Variants in TIAM2 observed in about 807,000 individuals in gnomAD.
The protein encoded by TIAM2 is TIAM Rac1 associated GEF 2.
TIAM2 carries 80 observed loss-of-function variants against 152.9 expected under a neutral mutation model. The observed-to-expected ratio is 0.52, with a 90% CI of 0.44 to 0.63. The LOEUF is 0.63. Among genes scored for constraint, TIAM2 ranks in the 30% least tolerant of loss-of-function variants. The probability of loss-of-function intolerance (pLI) is 0.00; values close to 1 mark genes in which losing one functional copy is unlikely to be tolerated. For missense variants in TIAM2, 1,965 were observed against 2,120.1 expected (o/e 0.93, Z 1.44); for synonymous variants, 804 against 838.0 (o/e 0.96, Z 0.70).
chr6:155,106,636 A>G (rs1235701116), intron 2 of TIAM2, among the ~76,000 whole-genome samples: 3 of 152,212 alleles, frequency 2.0e-5, no homozygotes, highest in Non-Finnish European at 2.9e-5. Context: ...AATGTTTACT[A>G]CTGCTCTAAA....
intron 6 of TIAM2, 104 bp from the exon 7 acceptor site, chr6:155,148,006 C>A: frequency 2.7e-6 from 3 of 1,116,180 alleles, no homozygotes; most frequent in Non-Finnish European, 4.1e-6. Flanking sequence ...GTATGCAGTG[C>A]AAGTACTTCT....
intron 1 of TIAM2, among the ~76,000 whole-genome samples, chr6:155,052,130 A>G (rs368089705): frequency 6.6e-6 from 1 of 152,196 alleles, no homozygotes; most frequent in East Asian, 1.9e-4. Flanking sequence ...TCTCTGTGGG[A>G]AGGAAGAAGA....
chr6:155,231,631 G>C (rs938120808), intron 15 of TIAM2, among the ~76,000 whole-genome samples: 1 of 149,490 alleles, frequency 6.7e-6, no homozygotes, highest in African/African-American at 2.6e-5. Context: ...GGCCCTGCCA[G>C]CTTCCCCCCA....
At chr6:155,199,687 A>G (rs1781434097) in intron 14 of TIAM2, among the ~76,000 whole-genome samples, 1 of 152,224 alleles carries the variant, frequency 6.6e-6, no homozygotes, top group Non-Finnish European at 1.5e-5. Context: ...AATTTTATGA[A>G]GCGAAAAAAG....
At chr6:155,042,073 G>A (rs995839061) in intron 1 of TIAM2, among the ~76,000 whole-genome samples, 1 of 151,768 alleles carries the variant, frequency 6.6e-6, no homozygotes, top group African/African-American at 2.4e-5. Context: ...GGAGAGGAAA[G>A]CCTTTTCCTG....
intron 12 of TIAM2, among the ~76,000 whole-genome samples, chr6:155,180,612 A>AT (rs992365434): frequency 5.3e-5 from 8 of 151,028 alleles, no homozygotes; most frequent in Non-Finnish European, 8.9e-5. Flanking sequence ...TTTATTTTTT[A>AT]TTTTTTTTGA....
In TIAM2 at chr6:155,251,041, G is replaced by C; in HGVS notation, c.4060+20G>C. The stretch of plus-strand genomic sequence containing the variant: ...TATTTGGTTAGTATTCCATTCAGAA[G>C]AATGCAGACTGAACAGAGGCTGGGA... On this transcript the variant is annotated intron_variant, in intron 22 of 26. Transcript: ENST00000682666. 6.2e-7 allele frequency: 1 copy of C among 1,602,374 alleles called. No homozygotes were observed. Among genetic ancestry groups the C allele is most frequent in the Non-Finnish European group, 8.6e-7 (1 of 1,169,510 alleles).
intron 6 of TIAM2, 83 bp from the exon 7 acceptor site, chr6:155,148,027 A>T: frequency 2.2e-6 from 3 of 1,386,798 alleles, no homozygotes; most frequent in Non-Finnish European, 3.1e-6. Context: ...TGGGTTTTGT[A>T]CATCTAAGCC....
chr6:155,028,350 CATATATACTACATATAATATATATACTG>C (rs1776677262), intron 1 of TIAM2, among the ~76,000 whole-genome samples: 1 of 122,548 alleles, frequency 8.2e-6, no homozygotes, highest in East Asian at 2.2e-4. Flanking sequence ...TACTGTGTTA[CATATATACTACATATAATATATATACTG>C]TGTTACATAT....
At chr6:155,034,254 GT>G (rs1776880539) in intron 1 of TIAM2, among the ~76,000 whole-genome samples, 1 of 148,906 alleles carries the variant, frequency 6.7e-6, no homozygotes, top group Non-Finnish European at 1.5e-5. Context: ...TGGTTTTTTT[GT>G]TTTTGTTTTG....
rs150063533 is a variant in TIAM2, at chr6:155,163,035, G to T, written c.2029-1380G>T. Among the ~76,000 whole-genome samples the T allele has an allele frequency of 4.6e-5, 7 of 152,276 alleles. No individual in the cohort carries two copies. The South Asian group carries it at 1.2e-3, about 27-fold the overall frequency. On this transcript the variant is annotated intron_variant, in intron 7 of 26. Transcript: ENST00000682666. ...GGAATGCCCAGAATTTGTAATACTT[G>T]TCTATGGGGAGAGACTGGAGGGGGC...
chr6:155,171,511 G>A (rs1012731777), intron 9 of TIAM2, among the ~76,000 whole-genome samples: 2 of 152,014 alleles, frequency 1.3e-5, no homozygotes, highest in African/African-American at 4.8e-5. Flanking sequence ...CTGTGGCAGT[G>A]AGTGAATGCA....
At chr6:155,241,697 G>A (rs1172433306) in intron 16 of TIAM2, among the ~76,000 whole-genome samples, 1 of 152,152 alleles carries the variant, frequency 6.6e-6, no homozygotes, top group African/African-American at 2.4e-5. Context: ...TGGCCTCAGA[G>A]GGGAGAAAGG....
chr6:155,197,214 A>G (rs935608879), intron 14 of TIAM2, among the ~76,000 whole-genome samples: 2 of 152,004 alleles, frequency 1.3e-5, no homozygotes, highest in Non-Finnish European at 2.9e-5. Context: ...ACATTTTAAC[A>G]TTTTTCTTTC....
chr6:155,070,367 C>G (rs1424905365), intron 1 of TIAM2, among the ~76,000 whole-genome samples: 2 of 151,020 alleles, frequency 1.3e-5, no homozygotes, highest in African/African-American at 4.9e-5. Flanking sequence ...ATTACAGTAG[C>G]TGGGATTACT....
At chr6:155,058,914 C>G (rs962099061) in intron 1 of TIAM2, among the ~76,000 whole-genome samples, 1 of 152,184 alleles carries the variant, frequency 6.6e-6, no homozygotes, top group Non-Finnish European at 1.5e-5. Flanking sequence ...GGAATGGTAT[C>G]TAACGTAAAC....
chr6:155,114,035 TA>T (rs372700295), intron 2 of TIAM2, among the ~76,000 whole-genome samples: 3,840 of 45,478 alleles, frequency 0.084, 93 homozygotes, highest in African/African-American at 0.16. Context: ...TATATATATA[TA>T]TTTTTTTTTT....
At chr6:155,252,876 A>G (rs1039501203) in intron 23 of TIAM2, 72 bp from the exon 24 acceptor site, 11 of 1,372,896 alleles carry the variant, frequency 8.0e-6, no homozygotes, top group East Asian at 2.3e-5. Context: ...ATAAACTTCT[A>G]TTCACTGTGC....
intron 7 of TIAM2, among the ~76,000 whole-genome samples, chr6:155,155,877 CAAA>C (rs1381308847): frequency 2.0e-5 from 3 of 152,194 alleles, no homozygotes; most frequent in African/African-American, 4.8e-5. Flanking sequence ...ACTGGAGACT[CAAA>C]GAAGTCACTG....
Sources: allele counts gnomAD v4.1 joint callset (sites outside exome capture counted in the v4.1 genomes callset), GRCh38; gene constraint gnomAD v4.1.1; transcripts MANE v1.5; gene names NCBI Gene and HGNC (gene_info 2026-07-23, HGNC 2026-07-21).